Variants in ZBTB20 observed in about 807,000 individuals in gnomAD.
The protein encoded by ZBTB20 is zinc finger and BTB domain containing 20, also known as zinc finger and BTB domain-containing protein 20.
A neutral mutation model predicts 56.9 loss-of-function variants in ZBTB20; 9 were observed. The ratio of observed to expected loss-of-function variants is 0.16; its 90% CI spans 0.10 to 0.28. ZBTB20 has a LOEUF of 0.28. ZBTB20 is among the 10% of genes least tolerant of loss of function. The pLI is 1.00. For synonymous variants in ZBTB20, 417 were observed against 420.7 expected (o/e 0.99, Z 0.11); for missense variants, 655 against 1,003.0 (o/e 0.65, Z 4.69).
chr3:114,343,757 G>A (rs1000488603), intron 11 of ZBTB20, among the ~76,000 whole-genome samples: 2 of 152,178 alleles, frequency 1.3e-5, no homozygotes, highest in Admixed American at 6.5e-5. Context: ...TTTAAAAGGG[G>A]GCCCACACGG....
intron 7 of ZBTB20, among the ~76,000 whole-genome samples, chr3:114,488,287 G>A (rs2042361382): frequency 6.6e-6 from 1 of 152,176 alleles, no homozygotes; most frequent in South Asian, 2.1e-4. Context: ...TAAAGAATGA[G>A]ACTAAGCAAA....
intron 4 of ZBTB20, among the ~76,000 whole-genome samples, chr3:114,891,929 C>T (rs2076826665): frequency 6.6e-6 from 1 of 151,998 alleles, no homozygotes; most frequent in Non-Finnish European, 1.5e-5. Flanking sequence ...CACCTGTAGT[C>T]CCAGCTACTC....
At chr3:114,815,361 A>C (rs2072841163) in intron 4 of ZBTB20, among the ~76,000 whole-genome samples, 1 of 152,180 alleles carries the variant, frequency 6.6e-6, no homozygotes, top group Non-Finnish European at 1.5e-5. Flanking sequence ...AAAATATAGA[A>C]AATATGAGGA....
intron 5 of ZBTB20, among the ~76,000 whole-genome samples, chr3:114,728,203 C>T (rs895081080): frequency 6.6e-6 from 1 of 152,140 alleles, no homozygotes; most frequent in African/African-American, 2.4e-5. Context: ...CATCCCCATC[C>T]ACTCGTAACA....
intron 5 of ZBTB20, among the ~76,000 whole-genome samples, chr3:114,781,392 G>C (rs1262897860): frequency 6.6e-6 from 1 of 152,198 alleles, no homozygotes; most frequent in Non-Finnish European, 1.5e-5. Context: ...GTACAAGCCT[G>C]TTAAACATTT....
chr3:114,851,722 T>C (rs1184291534), intron 4 of ZBTB20, among the ~76,000 whole-genome samples: 1 of 152,114 alleles, frequency 6.6e-6, no homozygotes, highest in Non-Finnish European at 1.5e-5. Flanking sequence ...AGATTTGTTT[T>C]TTGTTCTTTT....
chr3:114,693,818 A>G (rs2062835646), intron 5 of ZBTB20, among the ~76,000 whole-genome samples: 1 of 152,102 alleles, frequency 6.6e-6, no homozygotes, highest in South Asian at 2.1e-4. Context: ...ACCAGTTATG[A>G]ATGACTTGCT....
At chr3:114,361,898 T>G (rs2081930645) in intron 10 of ZBTB20, among the ~76,000 whole-genome samples, 1 of 152,176 alleles carries the variant, frequency 6.6e-6, no homozygotes, top group South Asian at 2.1e-4. Flanking sequence ...AGGACCACTG[T>G]GGAGGGCATC....
chr3:114,972,377 A>T (rs2077919653), intron 3 of ZBTB20, among the ~76,000 whole-genome samples: 1 of 152,226 alleles, frequency 6.6e-6, no homozygotes, highest in African/African-American at 2.4e-5. Context: ...ATGGACTACA[A>T]TCCTGCATGT....
At chr3:114,843,502 A>G (rs1248676988) in intron 4 of ZBTB20, among the ~76,000 whole-genome samples, 1 of 152,174 alleles carries the variant, frequency 6.6e-6, no homozygotes, top group Non-Finnish European at 1.5e-5. Context: ...TTGGCTCCAA[A>G]GCATCTATTT....
intron 6 of ZBTB20, among the ~76,000 whole-genome samples, chr3:114,510,116 T>C (rs779143949): frequency 4.6e-5 from 7 of 152,182 alleles, no homozygotes; most frequent in Non-Finnish European, 1.0e-4. Flanking sequence ...GTTTCCAAGA[T>C]GAGACCTCAA....
At chr3:114,600,109 A>G (rs958647707) in intron 6 of ZBTB20, among the ~76,000 whole-genome samples, 2 of 152,064 alleles carry the variant, frequency 1.3e-5, no homozygotes, top group Non-Finnish European at 2.9e-5. Flanking sequence ...AAAATAAAAC[A>G]CCATTATTGC....
chr3:115,041,397 T>A (rs983896441), intron 2 of ZBTB20, among the ~76,000 whole-genome samples: 25 of 152,180 alleles, frequency 1.6e-4, no homozygotes, highest in African/African-American at 5.8e-4. Flanking sequence ...CTAGTTTTTT[T>A]ATTACAAATC....
intron 5 of ZBTB20, among the ~76,000 whole-genome samples, chr3:114,785,110 A>T (rs2070390723): frequency 6.6e-6 from 1 of 152,176 alleles, no homozygotes. Flanking sequence ...ACACACACAC[A>T]CAAAATGGAT....
chr3:114,954,640 G>C (rs190273920), intron 3 of ZBTB20, among the ~76,000 whole-genome samples: 55 of 152,340 alleles, frequency 3.6e-4, no homozygotes, highest in Non-Finnish European at 6.3e-4. Context: ...AGCAGTGTGA[G>C]TTTAAGTGTC....
At chr3:114,980,467 G>A (rs1311314156) in intron 2 of ZBTB20, among the ~76,000 whole-genome samples, 1 of 151,872 alleles carries the variant, frequency 6.6e-6, no homozygotes, top group African/African-American at 2.4e-5. Context: ...AGGTAAATAT[G>A]CACTTAAACA....
intron 3 of ZBTB20, among the ~76,000 whole-genome samples, chr3:114,959,720 T>TACAC (rs56785871): frequency 0.36 from 52,360 of 145,144 alleles, 10,503 homozygotes; most frequent in Non-Finnish European, 0.48. Flanking sequence ...TTTATATACA[T>TACAC]ACACACACAC....
At position 114,402,006 on chromosome 3, in the gene ZBTB20, C is replaced by T. The variant is rs1472354633; in HGVS notation, c.-254-12901G>A. On this transcript the variant is annotated intron_variant, in intron 7 of 11. Coordinates refer to ENST00000675478, the MANE Select transcript of ZBTB20 (RefSeq NM_001348800.3). ...GCATTCTCAGAGTGAAGTAGCTGTACATATCATGTAAATTGGACTGGGGAA... is the reference window on the plus strand; with the variant it reads ...GCATTCTCAGAGTGAAGTAGCTGTATATATCATGTAAATTGGACTGGGGAA... Among the ~76,000 whole-genome samples, 4 of 152,270 alleles carry T rather than the reference C, an allele frequency of 2.6e-5. No homozygotes were observed. In the East Asian group the frequency reaches 7.7e-4, roughly 29 times the overall value.
chr3:114,581,390 T>C (rs892905283), intron 6 of ZBTB20, among the ~76,000 whole-genome samples: 1 of 151,904 alleles, frequency 6.6e-6, no homozygotes, highest in Non-Finnish European at 1.5e-5. Context: ...AAAGCACAAA[T>C]TATGAAGGAA....
Sources: allele counts gnomAD v4.1 joint callset (sites outside exome capture counted in the v4.1 genomes callset), GRCh38; gene constraint gnomAD v4.1.1; transcripts MANE v1.5; gene names NCBI Gene and HGNC (gene_info 2026-07-23, HGNC 2026-07-21).